Variants in TNS3 observed in about 807,000 individuals in gnomAD.
TNS3 encodes tensin 3.
Under a neutral mutation model 140.9 loss-of-function variants are expected in TNS3, and 45 were observed. The ratio of observed to expected loss-of-function variants is 0.32; its 90% CI spans 0.25 to 0.41. TNS3 has a LOEUF of 0.41. Ranked by LOEUF, TNS3 falls within the 10% of genes least tolerant of loss-of-function variation. The pLI is 1.00. For missense variants in TNS3, 1,716 were observed against 1,906.7 expected, an observed-to-expected ratio of 0.90 and a Z score of 1.86; for synonymous variants, 815 against 788.4, an observed-to-expected ratio of 1.03 and a Z score of -0.56.
chr7:47,441,698 G>A (rs903159256), intron 5 of TNS3, among the ~76,000 whole-genome samples: 6 of 152,130 alleles, frequency 3.9e-5, no homozygotes, highest in Non-Finnish European at 7.4e-5. Context: ...TGCTCTAAAG[G>A]GGCTCTTGCC....
intron 1 of TNS3, among the ~76,000 whole-genome samples, chr7:47,576,350 G>A (rs778560297): frequency 2.6e-5 from 4 of 152,034 alleles, no homozygotes; most frequent in Non-Finnish European, 5.9e-5. Flanking sequence ...GAGCAAACCT[G>A]TGGAGGAACG....
intron 4 of TNS3, among the ~76,000 whole-genome samples, chr7:47,442,496 G>A (rs1437339463): frequency 1.3e-5 from 2 of 152,172 alleles, no homozygotes; most frequent in African/African-American, 4.8e-5. Flanking sequence ...TATTCAACAG[G>A]GAGAAAAGAC....
At chr7:47,479,492 C>A (rs1392754414) in intron 4 of TNS3, among the ~76,000 whole-genome samples, 17 of 151,608 alleles carry the variant, frequency 1.1e-4, no homozygotes, top group Non-Finnish European at 2.2e-4. Flanking sequence ...TCCCCCACCC[C>A]CCCGTCGGCG....
At chr7:47,544,862 G>C (rs1355118314) in intron 1 of TNS3, among the ~76,000 whole-genome samples, 1 of 151,932 alleles carries the variant, frequency 6.6e-6, no homozygotes, top group African/African-American at 2.4e-5. Context: ...GGTGCCCTGT[G>C]CTGAGGACAT....
chr7:47,485,146 C>A (rs1183272351), intron 3 of TNS3, among the ~76,000 whole-genome samples: 3 of 152,176 alleles, frequency 2.0e-5, no homozygotes. Context: ...CACCCGCTGG[C>A]CTTGTGCTTT....
intron 2 of TNS3, among the ~76,000 whole-genome samples, chr7:47,509,544 A>G (rs1295073930): frequency 6.6e-6 from 1 of 152,162 alleles, no homozygotes; most frequent in South Asian, 2.1e-4. Context: ...GGGGGCAGCC[A>G]TGGTCCATGA....
Position 47,581,051 on chromosome 7 carries a change from C to T in TNS3, c.-265+1000G>A, listed in dbSNP as rs141384035. 8.2e-3 allele frequency among the ~76,000 whole-genome samples: 1,253 copies of T among 152,198 alleles called. 25 individuals carry two copies. Among genetic ancestry groups the T allele is most frequent in the African/African-American group, 0.029 (1,208 of 41,518 alleles). ...CTCTGCTGGCCCCACACCCTGATGGCGCTTTGAGTTTTTCAACCACGCTGG... is the reference window on the plus strand; with the variant it reads ...CTCTGCTGGCCCCACACCCTGATGGTGCTTTGAGTTTTTCAACCACGCTGG... On this transcript the variant is annotated intron_variant, in intron 1 of 30. Coordinates refer to ENST00000311160, the MANE Select transcript of TNS3 (RefSeq NM_022748.12).
At chr7:47,430,148 GAC>G (rs1470522389) in intron 8 of TNS3, among the ~76,000 whole-genome samples, 18 of 142,024 alleles carry the variant, frequency 1.3e-4, no homozygotes, top group African/African-American at 4.7e-4. Flanking sequence ...TTTTTTTTGA[GAC>G]AGAGTTTCGC....
intron 1 of TNS3, among the ~76,000 whole-genome samples, chr7:47,580,937 A>C (rs1202913345): frequency 6.6e-6 from 1 of 151,948 alleles, no homozygotes; most frequent in Non-Finnish European, 1.5e-5. Flanking sequence ...AAATGGGGGG[A>C]AAGCCAACCC....
At chr7:47,510,824 G>A (rs191872655) in intron 2 of TNS3, among the ~76,000 whole-genome samples, 4 of 145,810 alleles carry the variant, frequency 2.7e-5, no homozygotes, top group Non-Finnish European at 6.0e-5. Flanking sequence ...GCAGTGAGCC[G>A]AGATCGTGCC....
At chr7:47,475,784 C>T (rs999632879) in intron 4 of TNS3, among the ~76,000 whole-genome samples, 2 of 152,352 alleles carry the variant, frequency 1.3e-5, no homozygotes, top group Non-Finnish European at 1.5e-5. Context: ...ATTCGGACCA[C>T]TGTTAGGCCG....
intron 4 of TNS3, among the ~76,000 whole-genome samples, chr7:47,462,491 A>G (rs1019702667): frequency 2.6e-5 from 4 of 152,182 alleles, no homozygotes; most frequent in African/African-American, 7.2e-5. Flanking sequence ...TATTTCTCCT[A>G]GAGACAGAAG....
intron 10 of TNS3, among the ~76,000 whole-genome samples, chr7:47,417,721 T>TTA (rs1320131493): frequency 3.3e-5 from 5 of 152,216 alleles, no homozygotes; most frequent in African/African-American, 1.2e-4. Flanking sequence ...TTTTTCTTCC[T>TTA]TCACATGCTT....
chr7:47,278,114 C>T lies in TNS3; in HGVS notation c.4300G>A (p.Val1434Ile), dbSNP rs376513094. The T allele has an allele frequency of 5.5e-5, 88 of 1,614,014 alleles. No homozygotes were observed. Among genetic ancestry groups the T allele is most frequent in the Middle Eastern group, 3.3e-4 (2 of 6,084 alleles). ...GGGGAACCAATCATGACCTTTGATA[C>T]GAAGTTGACAATGGCACTGGCAGGC... The part of the protein sequence containing the change: ...EQPASAIVNF[V>I]SKVMIGSPKK... The change falls in exon 31 of 31, where the codon GTA (valine) becomes ATA (isoleucine). Residue 1434 changes from valine to isoleucine, a missense_variant. Val to Ile is a conservative substitution (Grantham distance 29). Coordinates refer to ENST00000311160, the MANE Select transcript of TNS3 (RefSeq NM_022748.12).
At position 47,283,876 on chromosome 7, in the gene TNS3, C is replaced by T. The variant is rs1435113572; in HGVS notation, c.3929-11G>A. 4 of 1,565,388 alleles carry T rather than the reference C, an allele frequency of 2.6e-6. No homozygotes were observed. Among genetic ancestry groups the T allele is most frequent in the African/African-American group, 1.4e-5 (1 of 73,046 alleles). ...ACCACACATTGCAGGCTGGAAGACA[C>T]CAAGGGAGACACATGTTAGTTGCAA... On this transcript the variant is annotated splice_polypyrimidine_tract_variant and intron_variant, in intron 27 of 30. Transcript: ENST00000311160.
intron 2 of TNS3, among the ~76,000 whole-genome samples, chr7:47,523,575 T>G (rs1478886977): frequency 4.6e-5 from 7 of 152,116 alleles, no homozygotes; most frequent in Admixed American, 4.6e-4. Flanking sequence ...TTCCTCCCAA[T>G]GCCTCCACCA....
chr7:47,329,335 G>A (rs988436319), intron 20 of TNS3, among the ~76,000 whole-genome samples: 3 of 152,172 alleles, frequency 2.0e-5, no homozygotes, highest in Admixed American at 1.3e-4. Context: ...GCAGGTCCCC[G>A]TTCCTCCTGG....
At chr7:47,557,309 G>C (rs566685652) in intron 1 of TNS3, among the ~76,000 whole-genome samples, 1 of 152,202 alleles carries the variant, frequency 6.6e-6, no homozygotes, top group Non-Finnish European at 1.5e-5. Flanking sequence ...AAAACCAGCA[G>C]CCGCCAAGGC....
chr7:47,480,088 G>A (rs943342595), intron 4 of TNS3, among the ~76,000 whole-genome samples: 2 of 152,234 alleles, frequency 1.3e-5, no homozygotes, highest in African/African-American at 4.8e-5. Context: ...CGAGCCTGGG[G>A]AAGGATGTCC....
Sources: allele counts gnomAD v4.1 joint callset (sites outside exome capture counted in the v4.1 genomes callset), GRCh38; gene constraint gnomAD v4.1.1; transcripts MANE v1.5; gene names NCBI Gene and HGNC (gene_info 2026-07-23, HGNC 2026-07-21).